The following EPHA6 variants were observed in gnomAD, a reference collection of about 807,000 sequenced individuals.
The protein encoded by EPHA6 is EPH receptor A6.
A neutral mutation model predicts 112.0 loss-of-function variants in EPHA6; 50 were observed. That is an observed-to-expected ratio of 0.45 (90% CI 0.36 to 0.56). The LOEUF (loss-of-function observed/expected upper bound fraction) is 0.56. EPHA6 is among the 20% of genes least tolerant of loss of function. The pLI, the probability that EPHA6 is intolerant of heterozygous loss-of-function variation, is 0.00. For synonymous variants in EPHA6, 529 were observed against 490.7 expected, an observed-to-expected ratio of 1.08 and a Z score of -1.03; for missense variants, 1,280 against 1,417.4, an observed-to-expected ratio of 0.90 and a Z score of 1.56.
At chr3:97,074,286 A>G (rs756077104) in intron 3 of EPHA6, among the ~76,000 whole-genome samples, 1 of 152,130 alleles carries the variant, frequency 6.6e-6, no homozygotes. Flanking sequence ...TATTAATACA[A>G]TGAAAGTTAG....
rs2107941534 is a variant in EPHA6 at position 97,758,951 on chromosome 3, G to A, written c.*10250G>A. On this transcript the variant is annotated 3_prime_UTR_variant, in exon 18 of 18. Transcript: ENST00000389672. ...CTGGAGTAATTCCAGCAAAAACGTG[G>A]TGGATTCACTACTTCAAGATTTGGA... 6.6e-6 allele frequency among the ~76,000 whole-genome samples: 1 copy of A among 152,040 alleles called. No homozygotes were observed. The highest frequency in any genetic ancestry group is 3.4e-3 in the Middle Eastern group (1 of 294).
chr3:97,276,155 C>T (rs1327991103), intron 5 of EPHA6, among the ~76,000 whole-genome samples: 3 of 152,004 alleles, frequency 2.0e-5, no homozygotes, highest in Non-Finnish European at 4.4e-5. Context: ...AAGAAGGTGA[C>T]GGACTTACCC....
At chr3:97,204,077 G>A (rs943571564) in intron 3 of EPHA6, among the ~76,000 whole-genome samples, 2 of 152,038 alleles carry the variant, frequency 1.3e-5, no homozygotes, top group African/African-American at 2.4e-5. Flanking sequence ...TTTTTACTAA[G>A]TGACAGTGTA....
chr3:96,987,589 A>G lies in EPHA6; in HGVS notation c.710A>G (p.Asn237Ser), dbSNP rs1251715452. 1.9e-6 allele frequency: 3 copies of G among 1,613,840 alleles called. No homozygotes were observed. The highest frequency in any genetic ancestry group is 2.5e-6 in the Non-Finnish European group (3 of 1,179,860). Reference sequence around the variant, plus strand: ...TCCCACGGAATTAAATTCAAGCCAAACCAGTATACAAAGATCGACACAATT... The same window carrying G: ...TCCCACGGAATTAAATTCAAGCCAAGCCAGTATACAAAGATCGACACAATT... ...DESHGIKFKP[N>S]QYTKIDTIAA... Residue 237 changes from asparagine (N) to serine (S), a missense_variant, in exon 3 of 18, where the codon AAC becomes AGC. Asn to Ser is a conservative substitution (Grantham distance 46). Around this residue, in one of 4 missense-constraint regions of EPHA6, gnomAD observed 878 missense variants for 999.7 expected, o/e 0.88. Coordinates refer to ENST00000389672, the MANE Select transcript of EPHA6 (RefSeq NM_001080448.3).
intron 1 of EPHA6, among the ~76,000 whole-genome samples, chr3:96,822,457 A>C (rs557771497): frequency 6.6e-6 from 1 of 151,744 alleles, no homozygotes; most frequent in Admixed American, 6.6e-5. Flanking sequence ...CTTTTGGCCT[A>C]TTTGGTGACC....
At chr3:96,836,191 G>A (rs963543155) in intron 1 of EPHA6, among the ~76,000 whole-genome samples, 8 of 151,994 alleles carry the variant, frequency 5.3e-5, no homozygotes, top group African/African-American at 1.9e-4. Context: ...CATCATACTA[G>A]TGCATGAATA....
At chr3:97,068,187 A>G (rs1200761145) in intron 3 of EPHA6, among the ~76,000 whole-genome samples, 1 of 149,048 alleles carries the variant, frequency 6.7e-6, no homozygotes, top group Non-Finnish European at 1.5e-5. Context: ...AAAAAGAGTC[A>G]GGGATAAAGA....
chr3:96,938,330 TG>T (rs1168024397), intron 2 of EPHA6, among the ~76,000 whole-genome samples: 4 of 152,074 alleles, frequency 2.6e-5, no homozygotes, highest in East Asian at 1.9e-4. Context: ...TCACATCCCT[TG>T]TAAGTTGGAT....
chr3:96,945,625 G>C (rs1203822157), intron 2 of EPHA6, among the ~76,000 whole-genome samples: 1 of 151,772 alleles, frequency 6.6e-6, no homozygotes, highest in Non-Finnish European at 1.5e-5. Flanking sequence ...TTTTTTGGAG[G>C]GTTAAGTAAA....
intron 5 of EPHA6, among the ~76,000 whole-genome samples, chr3:97,292,772 A>G: frequency 6.6e-6 from 1 of 151,938 alleles, no homozygotes; most frequent in East Asian, 1.9e-4. Flanking sequence ...AGTGGAGAGG[A>G]GACCCGTGGT....
chr3:97,431,965 TG>T (rs1445878920), intron 6 of EPHA6, among the ~76,000 whole-genome samples: 3 of 152,156 alleles, frequency 2.0e-5, no homozygotes, highest in Non-Finnish European at 4.4e-5. Flanking sequence ...AATGTCAAAA[TG>T]GTTTCATTGT....
At chr3:97,330,238 A>G (rs2082715940) in intron 5 of EPHA6, among the ~76,000 whole-genome samples, 1 of 152,120 alleles carries the variant, frequency 6.6e-6, no homozygotes, top group Non-Finnish European at 1.5e-5. Flanking sequence ...GTAGAGTTTG[A>G]AGTCAGGTAG....
chr3:97,649,590 C>T (rs1382996226), intron 14 of EPHA6, among the ~76,000 whole-genome samples: 2 of 151,908 alleles, frequency 1.3e-5, no homozygotes, highest in African/African-American at 4.8e-5. Flanking sequence ...AAAATAGCAG[C>T]ATTATCAGAA....
chr3:97,636,934 A>G (rs1409838308), intron 13 of EPHA6, among the ~76,000 whole-genome samples: 1 of 152,150 alleles, frequency 6.6e-6, no homozygotes, highest in Non-Finnish European at 1.5e-5. Context: ...AAAGACAACA[A>G]TCTCCGAATA....
chr3:97,421,773 AC>A (rs2107187649), intron 6 of EPHA6, among the ~76,000 whole-genome samples: 1 of 152,282 alleles, frequency 6.6e-6, no homozygotes, highest in South Asian at 2.1e-4. Flanking sequence ...AGACAGCAAG[AC>A]CAATGTATTG....
intron 6 of EPHA6, among the ~76,000 whole-genome samples, chr3:97,414,050 AC>A (rs1330726617): frequency 6.6e-6 from 1 of 152,028 alleles, no homozygotes; most frequent in Non-Finnish European, 1.5e-5. Context: ...AAACATACTT[AC>A]CAAATCATAC....
At chr3:97,510,418 T>C (rs2107588403) in intron 10 of EPHA6, among the ~76,000 whole-genome samples, 1 of 152,308 alleles carries the variant, frequency 6.6e-6, no homozygotes, top group South Asian at 2.1e-4. Flanking sequence ...TTTCTGTTTG[T>C]TAGTTTTCCT....
intron 3 of EPHA6, among the ~76,000 whole-genome samples, chr3:97,068,418 A>T (rs1205246326): frequency 1.3e-5 from 2 of 152,080 alleles, no homozygotes; most frequent in Admixed American, 1.3e-4. Context: ...GACTATGATA[A>T]TGGAGGCTTA....
intron 3 of EPHA6, among the ~76,000 whole-genome samples, chr3:97,085,302 A>G (rs1466855869): frequency 6.6e-6 from 1 of 152,136 alleles, no homozygotes; most frequent in East Asian, 1.9e-4. Flanking sequence ...TCTTCTTGCC[A>G]GCTCTCCCTT....
Sources: allele counts gnomAD v4.1 joint callset (sites outside exome capture counted in the v4.1 genomes callset), GRCh38; gene constraint gnomAD v4.1.1; regional missense constraint gnomAD v4.1.1; transcripts MANE v1.5; gene names NCBI Gene and HGNC (gene_info 2026-07-23, HGNC 2026-07-21).